Variants in DENND5B observed in about 807,000 individuals in gnomAD.
DENND5B encodes the protein DENN domain-containing protein 5B.
In DENND5B, 34 loss-of-function variants were observed where a neutral mutation model predicts 140.6. The ratio of observed to expected loss-of-function variants is 0.24; its 90% CI spans 0.18 to 0.32. The LOEUF (loss-of-function observed/expected upper bound fraction) is 0.32, where lower values mean the gene tolerates loss of function less well. DENND5B is among the 10% of genes least tolerant of loss of function. The pLI, the probability that DENND5B is intolerant of heterozygous loss-of-function variation, is 1.00. For missense variants in DENND5B, 1,142 were observed against 1,560.2 expected (o/e 0.73, Z 4.52); for synonymous variants, 551 against 562.1 (o/e 0.98, Z 0.28).
chr12:31,514,091 CCACCTCAGCCTCA>C lies in DENND5B; in HGVS notation c.128-18185_128-18173del, dbSNP rs374602343. On this transcript the variant is annotated intron_variant, in intron 1 of 20. Coordinates refer to ENST00000389082, the MANE Select transcript of DENND5B (RefSeq NM_144973.4). Reference sequence around the variant, plus strand: ...AAACTCCTGAGCTCAAGCAATCCTCCCACCTCAGCCTCACAAAGTGCTGTGATTACAGGTATGA... The same window carrying C: ...AAACTCCTGAGCTCAAGCAATCCTCCCAAAGTGCTGTGATTACAGGTATGA... 7.4e-3 allele frequency among the ~76,000 whole-genome samples: 1,125 copies of C among 152,210 alleles called. 5 individuals carry two copies. The highest frequency in any genetic ancestry group is 0.014 in the Middle Eastern group (4 of 294).
intron 1 of DENND5B, among the ~76,000 whole-genome samples, chr12:31,498,785 G>A (rs997430802): frequency 6.6e-6 from 1 of 151,712 alleles, no homozygotes; most frequent in Non-Finnish European, 1.5e-5. Flanking sequence ...CCAGCCTGGC[G>A]AACGTGCTGA....
intron 3 of DENND5B, among the ~76,000 whole-genome samples, chr12:31,464,899 T>C (rs1945188310): frequency 6.6e-6 from 1 of 152,196 alleles, no homozygotes; most frequent in African/African-American, 2.4e-5. Flanking sequence ...TTGTTAACAT[T>C]CAACATATGA....
At chr12:31,436,026 G>A (rs1043623761) in intron 7 of DENND5B, among the ~76,000 whole-genome samples, 3 of 151,994 alleles carry the variant, frequency 2.0e-5, no homozygotes, top group African/African-American at 7.2e-5. Context: ...TTGAACTCCT[G>A]AGCTTAATGC....
intron 3 of DENND5B, among the ~76,000 whole-genome samples, chr12:31,471,271 T>C (rs1344084110): frequency 6.6e-6 from 1 of 152,138 alleles, no homozygotes; most frequent in African/African-American, 2.4e-5. Flanking sequence ...GTGGAGTACC[T>C]TTCTGGTGAC....
At chr12:31,516,622 C>T (rs980018833) in intron 1 of DENND5B, among the ~76,000 whole-genome samples, 1 of 152,206 alleles carries the variant, frequency 6.6e-6, no homozygotes. Flanking sequence ...AAACAATATA[C>T]GATTTATGTG....
At position 31,397,549 on chromosome 12, in the gene DENND5B, C is replaced by CAAAAAAAAAA. The variant is rs1223481557; in HGVS notation, c.3256+616_3256+625dup. ...GGTGACAGAGTGAGATTCCATCTCA[C>CAAAAAAAAAA]AAAAAAAAAAAAAAAAAAAAAAAAG... On this transcript the variant is annotated intron_variant, in intron 17 of 20. Coordinates refer to ENST00000389082, the MANE Select transcript of DENND5B (RefSeq NM_144973.4). Among the ~76,000 whole-genome samples the CAAAAAAAAAA allele has an allele frequency of 3.3e-3, 162 of 49,318 alleles. 56 individuals carry two copies. Among genetic ancestry groups the CAAAAAAAAAA allele is most frequent in the Non-Finnish European group, 4.3e-3 (130 of 29,898 alleles). 32.4% of individuals were successfully genotyped at this position (49,318 alleles called of 152,430 possible).
intron 7 of DENND5B, among the ~76,000 whole-genome samples, 181 bp from the exon 8 acceptor site, chr12:31,433,429 C>A (rs781530155): frequency 7.2e-5 from 11 of 152,214 alleles, no homozygotes; most frequent in African/African-American, 2.6e-4. Context: ...TACAACCAAA[C>A]GGTTTTTAGT....
chr12:31,409,213 A>C (rs766541483), intron 14 of DENND5B, 50 bp downstream of exon 14: 11 of 1,490,898 alleles, frequency 7.4e-6, no homozygotes, highest in Admixed American at 2.6e-5. Context: ...AAATGCTTTT[A>C]TTGCATTGGT....
chr12:31,498,729 T>G (rs759237635), intron 1 of DENND5B, among the ~76,000 whole-genome samples: 7 of 151,930 alleles, frequency 4.6e-5, no homozygotes, highest in Non-Finnish European at 1.0e-4. Flanking sequence ...TCCTAGCACT[T>G]TGGGAGGCTG....
intron 1 of DENND5B, among the ~76,000 whole-genome samples, chr12:31,508,227 G>C (rs1565649272): frequency 6.6e-6 from 1 of 152,130 alleles, no homozygotes; most frequent in Admixed American, 6.6e-5. Flanking sequence ...CATTTGGTCA[G>C]AGGTAAAGTA....
At chr12:31,494,043 T>C (rs1946637724) in intron 2 of DENND5B, among the ~76,000 whole-genome samples, 1 of 152,126 alleles carries the variant, frequency 6.6e-6, no homozygotes, top group Non-Finnish European at 1.5e-5. Flanking sequence ...TCTCAAATAT[T>C]ATTCAGGCTT....
At position 31,495,913 on chromosome 12, in the gene DENND5B, T is replaced by A. The variant is rs754499972; in HGVS notation, c.134A>T (p.Asn45Ile). Residue 45 changes from asparagine to isoleucine, a missense_variant, in exon 2 of 21, where the codon AAT (asparagine) becomes ATT (isoleucine). Around this residue, in one of 5 missense-constraint regions of DENND5B, gnomAD observed 708 missense variants for 905.5 expected, o/e 0.78. Coordinates refer to ENST00000389082, the MANE Select transcript of DENND5B (RefSeq NM_144973.4). The part of the protein sequence containing the change: ...GLEPDELAGE[N>I]FDQSPLRRTF... ...TCTTCTCAAAGGACTCTGGTCAAAA[T>A]TTTCGCCTACAACAAATAATACATA... 45 of 1,605,328 alleles carry A rather than the reference T, an allele frequency of 2.8e-5. No individual in the cohort carries two copies. The highest frequency in any genetic ancestry group is 3.7e-5 in the Non-Finnish European group (44 of 1,175,930).
Position 31,424,628 on chromosome 12 carries a change from T to C in DENND5B, c.2298A>G (p.Glu766=), listed in dbSNP as rs1943156576. ...GHEAVELGHG[E]ANITGLEENT... ...TCTCCTCCAGGCCGGTGATGTTTGC[T>C]TCTCCATGGCCAAGTTCCACCGCTT... is the stretch of plus-strand genomic sequence containing the variant. Residue 766 remains glutamate (E), a synonymous_variant, in exon 10 of 21, where the codon GAA becomes GAG. Transcript: ENST00000389082. The C allele has an allele frequency of 8.1e-6, 13 of 1,613,970 alleles. No individual in the cohort carries two copies. The highest frequency in any genetic ancestry group is 1.1e-5 in the Non-Finnish European group (13 of 1,179,888).
intron 11 of DENND5B, among the ~76,000 whole-genome samples, chr12:31,416,264 AT>A (rs1371508335): frequency 1.1e-3 from 158 of 148,194 alleles, no homozygotes; most frequent in African/African-American, 3.1e-3. Flanking sequence ...TTTTTTTTGT[AT>A]TTTTTTTTTT....
chr12:31,483,211 C>T (rs889813198), intron 2 of DENND5B, among the ~76,000 whole-genome samples: 1 of 152,180 alleles, frequency 6.6e-6, no homozygotes, highest in Non-Finnish European at 1.5e-5. Flanking sequence ...GCTCACTCTC[C>T]TTGAACCTGG....
intron 1 of DENND5B, among the ~76,000 whole-genome samples, chr12:31,556,233 C>T (rs1284570074): frequency 6.6e-6 from 1 of 152,118 alleles, no homozygotes; most frequent in Non-Finnish European, 1.5e-5. Context: ...AAGATGCAGT[C>T]TCACTCTGTC....
intron 1 of DENND5B, among the ~76,000 whole-genome samples, chr12:31,530,339 C>T (rs1260545100): frequency 6.6e-6 from 1 of 152,134 alleles, no homozygotes; most frequent in Non-Finnish European, 1.5e-5. Flanking sequence ...TGCCATTGCA[C>T]TCCAGCCTGG....
chr12:31,589,316 T>C (rs192060903), intron 1 of DENND5B, among the ~76,000 whole-genome samples: 82 of 152,318 alleles, frequency 5.4e-4, no homozygotes, highest in African/African-American at 1.9e-3. Flanking sequence ...GTACATGAAA[T>C]CTTAGTTGAA....
chr12:31,479,487 CTG>C (rs1487540549), intron 3 of DENND5B, 100 bp downstream of exon 3: 48 of 1,141,088 alleles, frequency 4.2e-5, no homozygotes, highest in Non-Finnish European at 5.5e-5. Flanking sequence ...ACAGAAAAGA[CTG>C]TGATCATTAT....
Sources: gnomAD v4.1 joint callset for allele counts (sites outside exome capture counted in the v4.1 genomes callset) on GRCh38, gnomAD v4.1.1 for gene constraint, gnomAD v4.1.1 regional missense constraint, MANE v1.5 for transcripts, NCBI Gene and HGNC (gene_info 2026-07-23, HGNC 2026-07-21) for gene names.